SLC8A3: variants seen among roughly 807,000 people sequenced by gnomAD.
The protein encoded by SLC8A3 is solute carrier family 8 member A3.
SLC8A3 carries 37 observed loss-of-function variants against 65.4 expected under a neutral mutation model. That is an observed-to-expected ratio of 0.57 (90% confidence interval 0.44 to 0.74). The LOEUF (loss-of-function observed/expected upper bound fraction) is 0.74. SLC8A3 is among the 30% of genes least tolerant of loss of function. The pLI, the probability that SLC8A3 is intolerant of heterozygous loss-of-function variation, is 0.00. For synonymous variants in SLC8A3, 461 were observed against 444.5 expected (o/e 1.04, Z -0.47); for missense variants, 1,112 against 1,172.1 (o/e 0.95, Z 0.75).
At chr14:70,101,144 G>A (rs1892523672) in intron 2 of SLC8A3, among the ~76,000 whole-genome samples, 1 of 152,206 alleles carries the variant, frequency 6.6e-6, no homozygotes, top group Non-Finnish European at 1.5e-5. Flanking sequence ...AAAGAGGCAG[G>A]ATTTCTGTTC....
At chr14:70,061,081 G>A in intron 2 of SLC8A3, 142 bp from the exon 3 acceptor site, 1 of 549,600 alleles carries the variant, frequency 1.8e-6, no homozygotes, top group East Asian at 2.9e-5. Flanking sequence ...ACAGGACCAT[G>A]GTGGATTGTG....
At chr14:70,161,676 A>C (rs1251528142) in intron 2 of SLC8A3, among the ~76,000 whole-genome samples, 1 of 152,252 alleles carries the variant, frequency 6.6e-6, no homozygotes, top group Non-Finnish European at 1.5e-5. Flanking sequence ...CAAGCACAGA[A>C]AGGGTATTCT....
intron 2 of SLC8A3, among the ~76,000 whole-genome samples, chr14:70,137,668 G>A (rs1895294152): frequency 6.6e-6 from 1 of 152,076 alleles, no homozygotes; most frequent in Non-Finnish European, 1.5e-5. Flanking sequence ...CTCAGAGGAG[G>A]ATGAGTTTTC....
intron 2 of SLC8A3, among the ~76,000 whole-genome samples, chr14:70,119,832 G>A (rs780279631): frequency 1.1e-4 from 17 of 152,194 alleles, no homozygotes; most frequent in Non-Finnish European, 2.2e-4. Flanking sequence ...GACAAATAAC[G>A]TTCTGTATAA....
chr14:70,174,219 T>G (rs576156756), intron 1 of SLC8A3, among the ~76,000 whole-genome samples: 4 of 152,204 alleles, frequency 2.6e-5, no homozygotes, highest in Non-Finnish European at 5.9e-5. Flanking sequence ...TCTTTCTAGA[T>G]GTGGAGGCCC....
rs1019722717 is a variant in SLC8A3 at position 70,117,116 on chromosome 14, C to T, written c.1784+49523G>A. Reference sequence around the variant, plus strand: ...TCTAATGGATACTAAGGTGTGCAGCCCAGATTCCCCTTTGGGACTATACCT... The same window carrying T: ...TCTAATGGATACTAAGGTGTGCAGCTCAGATTCCCCTTTGGGACTATACCT... On this transcript the variant is annotated intron_variant, in intron 2 of 6. Coordinates refer to ENST00000356921, the MANE Select transcript of SLC8A3 (RefSeq NM_182932.3). Among the ~76,000 whole-genome samples the T allele has an allele frequency of 3.3e-4, 50 of 152,328 alleles. 1 individual carries two copies. Among genetic ancestry groups the T allele is most frequent in the African/African-American group, 1.1e-3 (46 of 41,568 alleles).
At position 70,048,967 on chromosome 14, in the gene SLC8A3, G is replaced by C; in HGVS notation, c.2189C>G (p.Thr730Ser). 6.2e-7 allele frequency: 1 copy of C among 1,614,130 alleles called. No individual in the cohort carries two copies. Among genetic ancestry groups the C allele is most frequent in the Non-Finnish European group, 8.5e-7 (1 of 1,179,934 alleles). The change falls in exon 6 of 7, where the codon ACT becomes AGT. Residue 730 changes from threonine (T) to serine (S), a missense_variant. By Grantham distance (58) the Thr-to-Ser change is moderately conservative. Coordinates refer to ENST00000356921, the MANE Select transcript of SLC8A3 (RefSeq NM_182932.3). ...SCFDYVMHFL[T>S]VFWKVLFACV... ...GGCAAACAGCACCTTCCAGAAGACA[G>C]TCAGGAAGTGCATGACGTAGTCAAA...
intron 2 of SLC8A3, among the ~76,000 whole-genome samples, chr14:70,121,995 G>C (rs1422117370): frequency 6.6e-6 from 1 of 152,106 alleles, no homozygotes; most frequent in Admixed American, 6.5e-5. Flanking sequence ...ATTATGGAGT[G>C]GCTCCATATT....
At chr14:70,161,249 A>G (rs921192906) in intron 2 of SLC8A3, among the ~76,000 whole-genome samples, 3 of 120,044 alleles carry the variant, frequency 2.5e-5, no homozygotes, top group Non-Finnish European at 4.8e-5. Flanking sequence ...GAGATGTGCC[A>G]CTGCACTCCA....
intron 2 of SLC8A3, among the ~76,000 whole-genome samples, chr14:70,126,581 C>CAA (rs1397644399): frequency 1.3e-5 from 2 of 151,046 alleles, no homozygotes; most frequent in South Asian, 2.1e-4. Flanking sequence ...CACACACACA[C>CAA]ACACACACAC....
intron 2 of SLC8A3, among the ~76,000 whole-genome samples, chr14:70,072,401 T>A (rs1196611607): frequency 1.3e-5 from 2 of 151,298 alleles, no homozygotes; most frequent in Non-Finnish European, 2.9e-5. Context: ...GAATTTCTAA[T>A]TTTTTAGACA....
In SLC8A3 at chr14:70,174,675, T is replaced by G. The variant is rs1328873354; in HGVS notation, c.-62-6191A>C. Among the ~76,000 whole-genome samples the G allele has an allele frequency of 1.8e-3, 238 of 133,698 alleles. 1 individual carries two copies. Among genetic ancestry groups the G allele is most frequent in the African/African-American group, 5.6e-3 (210 of 37,234 alleles). The allele number at this position is 133,698 out of a possible 152,430, so 87.7% of individuals were successfully genotyped here. A position where few individuals can be genotyped will look rare whatever the true frequency, so the allele number is the denominator to read the frequency against. On this transcript the variant is annotated intron_variant, in intron 1 of 6. Coordinates refer to ENST00000356921, the MANE Select transcript of SLC8A3 (RefSeq NM_182932.3). ...CGTTTTTTTTTTGTTTTTTTTTTTT[T>G]TTTTTTTTTTTTTTTGCCTATTAAG... is the stretch of plus-strand genomic sequence containing the variant.
At chr14:70,117,087 C>A (rs1893720449) in intron 2 of SLC8A3, among the ~76,000 whole-genome samples, 1 of 152,234 alleles carries the variant, frequency 6.6e-6, no homozygotes, top group Non-Finnish European at 1.5e-5. Context: ...AGCCTACTTC[C>A]AGTTCTAATG....
intron 2 of SLC8A3, among the ~76,000 whole-genome samples, chr14:70,154,920 CT>C (rs60863511): frequency 0.2 from 25,302 of 128,526 alleles, 1,595 homozygotes; most frequent in Non-Finnish European, 0.23. Context: ...ATTTATCATT[CT>C]TTTTTTTTTT....
At position 70,167,206 on chromosome 14, in the gene SLC8A3, T is replaced by C. The variant is rs1272869099; in HGVS notation, c.1217A>G (p.Gln406Arg). 1 of 1,614,168 alleles carries C rather than the reference T, an allele frequency of 6.2e-7. No individual in the cohort carries two copies. Among genetic ancestry groups the C allele is most frequent in the Non-Finnish European group, 8.5e-7 (1 of 1,180,032 alleles). The change falls in exon 2 of 7, where the codon CAG (glutamine) becomes CGG (arginine). Residue 406 changes from glutamine (Q) to arginine (R), a missense_variant. Transcript: ENST00000356921. ...TACAGCCCCACAGTTCTCCAGGCACTGGTAAGAACATGGGTCAAAGAAGAC... is the reference window on the plus strand; with the variant it reads ...TACAGCCCCACAGTTCTCCAGGCACCGGTAAGAACATGGGTCAAAGAAGAC... Reference protein sequence around the residue: ...SKVFFDPCSYQCLENCGAVLL... With the variant: ...SKVFFDPCSYRCLENCGAVLL...
intron 2 of SLC8A3, among the ~76,000 whole-genome samples, chr14:70,158,322 G>A (rs771143738): frequency 9.2e-5 from 14 of 152,306 alleles, no homozygotes; most frequent in Middle Eastern, 3.4e-3. Context: ...TCAGAAAGAC[G>A]TTTGGAGATA....
At chr14:70,160,877 CA>C (rs3053363) in intron 2 of SLC8A3, among the ~76,000 whole-genome samples, 1,445 of 133,664 alleles carry the variant, frequency 0.011, 19 homozygotes, top group African/African-American at 0.035. Flanking sequence ...AGAAAAGAGA[CA>C]AAAAAAAAAA....
At chr14:70,156,780 G>T (rs1046571194) in intron 2 of SLC8A3, among the ~76,000 whole-genome samples, 1 of 152,118 alleles carries the variant, frequency 6.6e-6, no homozygotes, top group Non-Finnish European at 1.5e-5. Flanking sequence ...AGCCTCAGGA[G>T]TACTGTCATT....
chr14:70,182,235 G>T (rs1168828945), intron 1 of SLC8A3, among the ~76,000 whole-genome samples: 1 of 152,110 alleles, frequency 6.6e-6, no homozygotes, highest in Non-Finnish European at 1.5e-5. Context: ...GATGATGTCA[G>T]GTTAGTAAAA....
Sources: gnomAD v4.1 joint callset for allele counts (sites outside exome capture counted in the v4.1 genomes callset) on GRCh38, gnomAD v4.1.1 for gene constraint, MANE v1.5 for transcripts, NCBI Gene and HGNC (gene_info 2026-07-23, HGNC 2026-07-21) for gene names.